GYG1: variants seen among roughly 807,000 people sequenced by gnomAD.
GYG1 encodes glycogenin-1.
A neutral mutation model predicts 41.9 loss-of-function variants in GYG1; 44 were observed. That is an observed-to-expected ratio of 1.05 (90% confidence interval 0.83 to 1.35). The LOEUF (loss-of-function observed/expected upper bound fraction) is 1.35, where lower values mean the gene tolerates loss of function less well. GYG1 is among the 40% of genes most tolerant of loss of function. The probability of loss-of-function intolerance (pLI) is 0.00; values close to 1 mark genes in which losing one functional copy is unlikely to be tolerated. For missense variants in GYG1, 429 were observed against 418.9 expected (o/e 1.02, Z -0.21); for synonymous variants, 141 against 158.1 (o/e 0.89, Z 0.81).
chr3:149,012,106 T>C (rs1363878824), intron 5 of GYG1, among the ~76,000 whole-genome samples: 2 of 151,118 alleles, frequency 1.3e-5, no homozygotes, highest in Non-Finnish European at 3.0e-5. Context: ...TCTTTTATAT[T>C]TGGGAAAGGC....
In GYG1 at chr3:148,991,778, G is replaced by A. The variant is rs996684025; in HGVS notation, c.7+131G>A. On this transcript the variant is annotated intron_variant, in intron 1 of 7. Transcript: ENST00000345003. ...CGAAACCGCCGCAAAGTTGCTGGCT[G>A]GCCGCAGCCGGGCGTGTTTCTGCCT... 27 of 745,858 alleles carry A rather than the reference G, an allele frequency of 3.6e-5. No homozygotes were observed. In the African/African-American group the frequency reaches 3.9e-4, roughly 11 times the overall value. The allele number at this position is 745,858 out of a possible 1,614,324, so 46.2% of individuals were successfully genotyped here. A position where few individuals can be genotyped will look rare whatever the true frequency, so the allele number is the denominator to read the frequency against.
intron 5 of GYG1, among the ~76,000 whole-genome samples, chr3:149,014,735 G>C (rs1238091700): frequency 6.6e-6 from 1 of 151,878 alleles, no homozygotes; most frequent in Non-Finnish European, 1.5e-5. Context: ...GGGCGTAGTG[G>C]TGCATGCCTG....
At chr3:148,993,910 C>A (rs1424866011) in intron 1 of GYG1, among the ~76,000 whole-genome samples, 5 of 152,202 alleles carry the variant, frequency 3.3e-5, no homozygotes, top group Admixed American at 6.5e-5. Flanking sequence ...GATTTAATTT[C>A]TATAGCTTAA....
chr3:149,005,596 A>G (rs777550826), intron 4 of GYG1, among the ~76,000 whole-genome samples: 3 of 152,290 alleles, frequency 2.0e-5, no homozygotes, highest in South Asian at 2.1e-4. Flanking sequence ...AATATCTTCA[A>G]GATTCTTGCA....
In GYG1 at chr3:148,992,127, C is replaced by G. The variant is rs1379235733; in HGVS notation, c.7+480C>G. Among the ~76,000 whole-genome samples, 5 of 152,236 alleles carry G rather than the reference C, an allele frequency of 3.3e-5. No individual in the cohort carries two copies. In the East Asian group the frequency reaches 9.7e-4, roughly 30 times the overall value. On this transcript the variant is annotated intron_variant, in intron 1 of 7. Coordinates refer to ENST00000345003, the MANE Select transcript of GYG1 (RefSeq NM_004130.4). ...CCGCCCGGCTCCTCCGCCGCCCGCCCCGGCCCCGGCCGCCACGCTGAGCCT... is the reference window on the plus strand; with the variant it reads ...CCGCCCGGCTCCTCCGCCGCCCGCCGCGGCCCCGGCCGCCACGCTGAGCCT...
At chr3:148,996,596 T>C (rs955638016) in intron 3 of GYG1, 120 bp downstream of exon 3, 29 of 1,201,824 alleles carry the variant, frequency 2.4e-5, no homozygotes, top group Non-Finnish European at 3.2e-5. Context: ...ACCACTGTCA[T>C]GAAATATGTC....
At chr3:148,996,621 A>AGG (rs1227338773) in intron 3 of GYG1, 121 bp from the exon 4 acceptor site, 7 of 1,189,408 alleles carry the variant, frequency 5.9e-6, no homozygotes, top group Non-Finnish European at 7.5e-6. Flanking sequence ...GATGAAGGAG[A>AGG]GGAGGCCCAG....
At chr3:149,019,016 C>G (rs1467612108) in intron 5 of GYG1, among the ~76,000 whole-genome samples, 1 of 147,662 alleles carries the variant, frequency 6.8e-6, no homozygotes, top group Non-Finnish European at 1.5e-5. Context: ...GTGCAGTGAG[C>G]TGAGATTGTA....
At chr3:149,008,696 CTT>C (rs1310033576) in intron 4 of GYG1, among the ~76,000 whole-genome samples, 1 of 152,186 alleles carries the variant, frequency 6.6e-6, no homozygotes, top group African/African-American at 2.4e-5. Flanking sequence ...CCACCTGACC[CTT>C]GTGAAGACAG....
At chr3:149,008,366 A>G (rs1401463200) in intron 4 of GYG1, 2 of 152,628 alleles carry the variant, frequency 1.3e-5, no homozygotes, top group Admixed American at 1.3e-4. Flanking sequence ...ATTCCCGCCG[A>G]GTCCACTTAC....
chr3:149,017,389 T>G (rs1714106455), intron 5 of GYG1, among the ~76,000 whole-genome samples: 1 of 150,652 alleles, frequency 6.6e-6, no homozygotes, highest in Non-Finnish European at 1.5e-5. Context: ...AATTGTGACA[T>G]GTACTCAACC....
At chr3:149,019,086 A>AAG (rs1553732677) in intron 5 of GYG1, among the ~76,000 whole-genome samples, 2 of 151,388 alleles carry the variant, frequency 1.3e-5, no homozygotes, top group Non-Finnish European at 2.9e-5. Flanking sequence ...AAAAAAAAAA[A>AAG]AGAGAAAGTA....
At chr3:149,000,660 G>A (rs1713042500) in intron 4 of GYG1, among the ~76,000 whole-genome samples, 1 of 152,220 alleles carries the variant, frequency 6.6e-6, no homozygotes, top group African/African-American at 2.4e-5. Flanking sequence ...TTGTCTGTAT[G>A]TGTTAGTTTC....
chr3:149,029,089 A>G lies in GYG1; in HGVS notation c.*2156A>G, dbSNP rs1714815939. 6.6e-6 allele frequency among the ~76,000 whole-genome samples: 1 copy of G among 152,236 alleles called. No homozygotes were observed. Among genetic ancestry groups the G allele is most frequent in the Non-Finnish European group, 1.5e-5 (1 of 68,044 alleles). On this transcript the variant is annotated 3_prime_UTR_variant, in exon 8 of 8. Transcript: ENST00000345003. ...AATCAGAAAGAATGACAAGCTTACC[A>G]TAAGACATAGCATATAATGCTGTCA...
intron 5 of GYG1, among the ~76,000 whole-genome samples, chr3:149,019,766 T>A (rs1337465923): frequency 1.3e-5 from 2 of 152,162 alleles, no homozygotes; most frequent in Admixed American, 1.3e-4. Context: ...AGGGTGTGGA[T>A]TGTTTCCAAA....
chr3:149,023,936 AGAGT>A, intron 5 of GYG1, 113 bp from the exon 6 acceptor site: 1 of 761,990 alleles, frequency 1.3e-6, no homozygotes, highest in South Asian at 1.5e-5. Flanking sequence ...CCTGGGTGAC[AGAGT>A]GAGACACTGT....
rs1284218839 is a variant in GYG1, at chr3:149,028,696, T to C, written c.*1763T>C. On this transcript the variant is annotated 3_prime_UTR_variant, in exon 8 of 8. Transcript: ENST00000345003. Reference sequence around the variant, plus strand: ...AAGCTCTAAGGTGGAAAAGCTGACATAGTTTTAAATTTTTTTTTTTTTTTT... The same window carrying C: ...AAGCTCTAAGGTGGAAAAGCTGACACAGTTTTAAATTTTTTTTTTTTTTTT... 6.7e-6 allele frequency among the ~76,000 whole-genome samples: 1 copy of C among 148,884 alleles called. No homozygotes were observed. Among genetic ancestry groups the C allele is most frequent in the Admixed American group, 6.8e-5 (1 of 14,670 alleles).
chr3:149,022,696 A>G (rs548552167), intron 5 of GYG1, among the ~76,000 whole-genome samples: 11 of 151,612 alleles, frequency 7.3e-5, no homozygotes, highest in African/African-American at 2.7e-4. Context: ...GGGTTTCACC[A>G]TGTTGGCCAG....
intron 5 of GYG1, among the ~76,000 whole-genome samples, chr3:149,020,018 AC>A (rs1030435752): frequency 6.6e-6 from 1 of 152,190 alleles, no homozygotes; most frequent in African/African-American, 2.4e-5. Context: ...GAGCTCTGAC[AC>A]CCAAATCCAG....
Sources: gnomAD v4.1 joint callset for allele counts (sites outside exome capture counted in the v4.1 genomes callset) on GRCh38, gnomAD v4.1.1 for gene constraint, MANE v1.5 for transcripts, NCBI Gene and HGNC (gene_info 2026-07-23, HGNC 2026-07-21) for gene names.